UCP2: variants seen among roughly 807,000 people sequenced by gnomAD.
UCP2 encodes the protein dicarboxylate carrier SLC25A8.
A neutral mutation model predicts 31.3 loss-of-function variants in UCP2; 27 were observed. The ratio of observed to expected loss-of-function variants is 0.86; its 90% CI spans 0.64 to 1.19. The LOEUF (loss-of-function observed/expected upper bound fraction) is 1.19. Ranked by LOEUF, UCP2 falls within the 50% of genes most tolerant of loss-of-function variation. The pLI, the probability that UCP2 is intolerant of heterozygous loss-of-function variation, is 0.00. For missense variants in UCP2, 377 were observed against 413.5 expected (o/e 0.91, Z 0.76); for synonymous variants, 142 against 157.4 (o/e 0.90, Z 0.73).
chr11:73,978,543 C>G (rs1951401227), intron 2 of UCP2, 66 bp from the exon 3 acceptor site: 2 of 997,376 alleles, frequency 2.0e-6, no homozygotes, highest in South Asian at 1.5e-5. Context: ...TCACCATCCC[C>G]AAACTCACCT....
chr11:73,977,026 G>C lies in UCP2; in HGVS notation c.338-9C>G. On this transcript the variant is annotated splice_polypyrimidine_tract_variant and intron_variant, in intron 4 of 7. Coordinates refer to ENST00000663595, the MANE Select transcript of UCP2 (RefSeq NM_003355.3). ...GCTCCCAATGCTGGCATCTGTGGGC[G>C]AGCCATGGGGTCAGTGGCCAGCGGG... 6.3e-7 allele frequency: 1 copy of C among 1,594,650 alleles called. No homozygotes were observed. The highest frequency in any genetic ancestry group is 1.3e-5 in the African/African-American group (1 of 74,622).
chr11:73,979,428 T>C (rs1336681978), intron 2 of UCP2, among the ~76,000 whole-genome samples: 1 of 152,130 alleles, frequency 6.6e-6, no homozygotes, highest in African/African-American at 2.4e-5. Context: ...ACGCCTGTAT[T>C]CCCAACTACT....
In UCP2 at chr11:73,976,715, G is replaced by A. The variant is rs1467397670; in HGVS notation, c.560C>T (p.Ala187Val). The A allele has an allele frequency of 6.2e-7, 1 of 1,614,174 alleles. No individual in the cohort carries two copies. Among genetic ancestry groups the A allele is most frequent in the Middle Eastern group, 1.6e-4 (1 of 6,062 alleles). Residue 187 changes from alanine (A) to valine (V), a missense_variant, in exon 6 of 8, where the codon GCC becomes GTC. Physicochemically the swap from Ala to Val is moderately conservative, Grantham distance 64. Transcript: ENST00000663595. ...KGTSPNVARN[A>V]IVNCAELVTY... is the part of the protein sequence containing the mutation. Reference sequence around the variant, plus strand: ...CACCAGCTCAGCACAGTTGACAATGGCATTACGAGCAACATTGGGAGAGGT... The same window carrying A: ...CACCAGCTCAGCACAGTTGACAATGACATTACGAGCAACATTGGGAGAGGT...
intron 2 of UCP2, among the ~76,000 whole-genome samples, chr11:73,980,218 G>A (rs1435759679): frequency 6.6e-6 from 1 of 152,130 alleles, no homozygotes; most frequent in African/African-American, 2.4e-5. Context: ...CAGCTGCTTT[G>A]AGCCCCGCCT....
At position 73,981,490 on chromosome 11, in the gene UCP2, T is replaced by G. The variant is rs1239019999; in HGVS notation, c.-114A>C. ...TGGACTCTTACCCGGCTTTGTAAGG[T>G]CTCACGGTGAGGCCTCCAAGATCAA... On this transcript the variant is annotated 5_prime_UTR_variant, in exon 2 of 8. Transcript: ENST00000663595. 1.3e-5 allele frequency: 2 copies of G among 152,126 alleles called. No homozygotes were observed. The highest frequency in any genetic ancestry group is 2.9e-5 in the Non-Finnish European group (2 of 68,026). 9.4% of individuals were successfully genotyped at this position (152,126 alleles called of 1,614,324 possible). A position where few individuals can be genotyped will look rare whatever the true frequency, so the allele number is the denominator to read the frequency against.
In UCP2 at chr11:73,978,272, G is replaced by A; in HGVS notation, c.107C>T (p.Thr36Ile). The A allele has an allele frequency of 6.2e-7, 1 of 1,614,192 alleles. No individual in the cohort carries two copies. Among genetic ancestry groups the A allele is most frequent in the Non-Finnish European group, 8.5e-7 (1 of 1,180,032 alleles). The change falls in exon 3 of 8, where the codon ACT becomes ATT. Residue 36 changes from threonine to isoleucine, a missense_variant. By Grantham distance (89) the Thr-to-Ile change is moderately conservative (BLOSUM62 -1). Transcript: ENST00000663595. ...IADLITFPLD[T>I]AKVRLQIQGE... The stretch of plus-strand genomic sequence containing the variant: ...CCTCACCTGTAACCGGACTTTAGCA[G>A]TATCCAGAGGAAAGGTGATGAGATC...
chr11:73,981,837 G>T (rs2135373623), intron 1 of UCP2, among the ~76,000 whole-genome samples: 1 of 150,496 alleles, frequency 6.6e-6, no homozygotes, highest in East Asian at 2.0e-4. Flanking sequence ...TCACAAATTG[G>T]TTCTCATCCA....
In UCP2 at chr11:73,976,744, T is replaced by G. The variant is rs758560067; in HGVS notation, c.533-2A>C. 2 of 1,614,108 alleles carry G rather than the reference T, an allele frequency of 1.2e-6. No individual in the cohort carries two copies. Among genetic ancestry groups the G allele is most frequent in the Non-Finnish European group, 1.7e-6 (2 of 1,179,998 alleles). On this transcript the variant is annotated splice_acceptor_variant, in intron 5 of 7. Transcript: ENST00000663595. LOFTEE classifies it high-confidence loss of function. ...TACGAGCAACATTGGGAGAGGTCCCTGTAGGAGGAGGAAGATCCTGGGTGA... is the reference window on the plus strand; with the variant it reads ...TACGAGCAACATTGGGAGAGGTCCCGGTAGGAGGAGGAAGATCCTGGGTGA...
intron 2 of UCP2, 111 bp from the exon 3 acceptor site, chr11:73,978,588 A>C: frequency 1.5e-6 from 1 of 656,960 alleles, no homozygotes; most frequent in East Asian, 3.1e-5. Context: ...GCAAGACTCC[A>C]AGTGGCCTCA....
rs1310712309 is a variant in UCP2 at position 73,976,878 on chromosome 11, G to A, written c.477C>T (p.Thr159=). The A allele has an allele frequency of 7.4e-6, 12 of 1,614,182 alleles. 1 individual carries two copies. The Middle Eastern group carries it at 4.9e-4, about 67-fold the overall frequency. The part of the protein sequence containing the change: ...RAGGGRRYQS[T]VNAYKTIARE... The stretch of plus-strand genomic sequence containing the variant: ...GGGCAATGGTCTTGTAGGCATTGAC[G>A]GTGCTTTGGTATCTCCGACCACCTC... The change falls in exon 5 of 8, where the codon ACC becomes ACT. Residue 159 remains threonine (T), a synonymous_variant. Coordinates refer to ENST00000663595, the MANE Select transcript of UCP2 (RefSeq NM_003355.3).
At chr11:73,982,020 T>A (rs1343811644) in intron 1 of UCP2, among the ~76,000 whole-genome samples, 1 of 152,080 alleles carries the variant, frequency 6.6e-6, no homozygotes. Flanking sequence ...GAGCCGGCCC[T>A]GCAGAGGCCA....
intron 2 of UCP2, chr11:73,979,926 C>G (rs1388749080): frequency 6.6e-6 from 1 of 152,142 alleles, no homozygotes; most frequent in South Asian, 2.1e-4. Context: ...TTAGACTCCT[C>G]CTGGCCTACC....
intron 2 of UCP2, 68 bp from the exon 3 acceptor site, chr11:73,978,545 A>G: frequency 1.0e-6 from 1 of 980,346 alleles, no homozygotes; most frequent in Middle Eastern, 3.2e-4. Context: ...ACCATCCCCA[A>G]ACTCACCTTC....
In UCP2 at chr11:73,977,099, C is replaced by T. The variant is rs45504392; in HGVS notation, c.338-82G>A. ...TCTCTCCTCACCAAAACCACCCTGTCACTGTCATCTCCTGCTTTTGGGAAT... is the reference window on the plus strand; with the variant it reads ...TCTCTCCTCACCAAAACCACCCTGTTACTGTCATCTCCTGCTTTTGGGAAT... On this transcript the variant is annotated intron_variant, in intron 4 of 7. Transcript: ENST00000663595. 1,083 of 1,419,178 alleles carry T rather than the reference C, an allele frequency of 7.6e-4. 8 individuals are homozygous for T. In the African/African-American group the frequency reaches 0.011, roughly 15 times the overall value. 87.9% of individuals were successfully genotyped at this position (1,419,178 alleles called of 1,614,324 possible).
rs1179077685 is a variant in UCP2 at position 73,978,352 on chromosome 11, C to T, written c.27G>A (p.Val9=). Residue 9 remains valine, a synonymous_variant, in exon 3 of 8, where the codon GTG becomes GTA. Transcript: ENST00000663595. The part of the protein sequence containing the change: MVGFKATD[V]PPTATVKFLG... ...GAAACTTCACAGTGGCAGTAGGGGG[C>T]ACATCTGTGGCCTTGAACCCAACCA... 5 of 1,614,198 alleles carry T rather than the reference C, an allele frequency of 3.1e-6. No individual in the cohort carries two copies. The highest frequency in any genetic ancestry group is 2.5e-6 in the Non-Finnish European group (3 of 1,180,034).
At position 73,975,125 on chromosome 11, in the gene UCP2, G is replaced by C; in HGVS notation, c.816-4C>G. 2 of 1,609,542 alleles carry C rather than the reference G, an allele frequency of 1.2e-6. No individual in the cohort carries two copies. Among genetic ancestry groups the C allele is most frequent in the Non-Finnish European group, 8.5e-7 (1 of 1,177,700 alleles). ...GCGGAGAAAGGAGGGCATGAACCTAGAGGAGAAAAATCACAGGTCATGGGG... is the reference window on the plus strand; with the variant it reads ...GCGGAGAAAGGAGGGCATGAACCTACAGGAGAAAAATCACAGGTCATGGGG... On this transcript the variant is annotated splice_polypyrimidine_tract_variant and splice_region_variant and intron_variant, in intron 7 of 7. Transcript: ENST00000663595.
intron 6 of UCP2, 56 bp downstream of exon 6, chr11:73,976,558 TCTTCTGGTGTCAGCTAGACCCCCGCAC>T: frequency 4.7e-6 from 5 of 1,067,242 alleles, no homozygotes; most frequent in Non-Finnish European, 7.2e-6. Flanking sequence ...AAAGATGTGG[TCTTCTGGTGTCAGCTAGACCCCCGCAC>T]CTGCTCCTGG....
rs576685655 is a variant in UCP2 at position 73,977,936 on chromosome 11, C to T, written c.287G>A (p.Arg96His). 1.3e-5 allele frequency: 21 copies of T among 1,614,222 alleles called. No individual in the cohort carries two copies. The highest frequency in any genetic ancestry group is 4.5e-5 in the East Asian group (2 of 44,886). ...TTTGACAGAATCATACAGGCCGATG[C>T]GGACAGAGGCAAAGCTCATTTGGCG... ...LQRQMSFASV[R>H]IGLYDSVKQF... Residue 96 changes from arginine (R) to histidine (H), a missense_variant, in exon 4 of 8, where the codon CGC becomes CAC. By Grantham distance (29) the Arg-to-His change is conservative. Coordinates refer to ENST00000663595, the MANE Select transcript of UCP2 (RefSeq NM_003355.3).
At chr11:73,980,751 C>G (rs987557047) in intron 2 of UCP2, 5 of 152,254 alleles carry the variant, frequency 3.3e-5, no homozygotes, top group Admixed American at 3.3e-4. Flanking sequence ...CAGCCCCAGG[C>G]ACAGACAGGG....
Sources: gnomAD v4.1 joint callset for allele counts (sites outside exome capture counted in the v4.1 genomes callset) on GRCh38, gnomAD v4.1.1 for gene constraint, MANE v1.5 for transcripts, NCBI Gene and HGNC (gene_info 2026-07-23, HGNC 2026-07-21) for gene names.